SRBD1: variants seen among roughly 807,000 people sequenced by gnomAD.
The protein encoded by SRBD1 is S1 RNA-binding domain-containing protein 1.
Under a neutral mutation model 115.3 loss-of-function variants are expected in SRBD1, and 88 were observed. The observed-to-expected ratio is 0.76, with a 90% confidence interval of 0.64 to 0.91. SRBD1 has a LOEUF of 0.91. Ranked by LOEUF, SRBD1 falls within the 40% of genes least tolerant of loss-of-function variation. SRBD1 has a pLI of 0.00. For missense variants in SRBD1, 1,385 were observed against 1,177.4 expected (o/e 1.18, Z -2.58); for synonymous variants, 509 against 407.7 (o/e 1.25, Z -2.99).
chr2:45,552,461 T>C (rs1173030830), intron 11 of SRBD1, among the ~76,000 whole-genome samples: 2 of 152,202 alleles, frequency 1.3e-5, no homozygotes, highest in African/African-American at 2.4e-5. Context: ...TAAACCTTGA[T>C]GAAATTATTC....
chr2:45,410,949 T>C (rs1174488964), intron 19 of SRBD1, among the ~76,000 whole-genome samples: 1 of 152,164 alleles, frequency 6.6e-6, no homozygotes, highest in African/African-American at 2.4e-5. Context: ...TTCATCTGTA[T>C]CCTTTGTAAT....
chr2:45,501,137 A>T (rs1283345268), intron 14 of SRBD1, among the ~76,000 whole-genome samples: 1 of 152,174 alleles, frequency 6.6e-6, no homozygotes, highest in Non-Finnish European at 1.5e-5. Context: ...TATTGAAATG[A>T]TCATATGGTT....
intron 16 of SRBD1, among the ~76,000 whole-genome samples, chr2:45,469,526 A>C (rs1398569408): frequency 6.6e-6 from 1 of 152,186 alleles, no homozygotes; most frequent in East Asian, 1.9e-4. Flanking sequence ...TTTAAAGATA[A>C]GTAATGGTGT....
chr2:45,504,567 G>A (rs1292410003), intron 14 of SRBD1, among the ~76,000 whole-genome samples: 1 of 152,114 alleles, frequency 6.6e-6, no homozygotes, highest in Non-Finnish European at 1.5e-5. Context: ...ATATTAAAAG[G>A]TAATAATATG....
chr2:45,539,422 C>A (rs1022426115), intron 14 of SRBD1, among the ~76,000 whole-genome samples: 1 of 151,998 alleles, frequency 6.6e-6, no homozygotes, highest in Non-Finnish European at 1.5e-5. Context: ...AACAAAAGAT[C>A]CCCCACCTAC....
intron 14 of SRBD1, among the ~76,000 whole-genome samples, chr2:45,514,930 G>A (rs1009536): frequency 0.81 from 122,735 of 152,204 alleles, 50,262 homozygotes; most frequent in African/African-American, 0.92. Flanking sequence ...ATGAACAGCT[G>A]TAACAGACCA....
At chr2:45,411,119 G>A (rs1353853716) in intron 19 of SRBD1, among the ~76,000 whole-genome samples, 1 of 152,148 alleles carries the variant, frequency 6.6e-6, no homozygotes, top group Non-Finnish European at 1.5e-5. Context: ...CCCTCAACCT[G>A]TGGGATCTGA....
At chr2:45,443,134 T>G (rs866459476) in intron 16 of SRBD1, among the ~76,000 whole-genome samples, 1 of 152,196 alleles carries the variant, frequency 6.6e-6, no homozygotes, top group African/African-American at 2.4e-5. Flanking sequence ...GGATCTGACA[T>G]ACTTTTTAAA....
intron 14 of SRBD1, among the ~76,000 whole-genome samples, chr2:45,538,821 A>ATGAT (rs1444029340): frequency 6.6e-6 from 1 of 152,192 alleles, no homozygotes; most frequent in Non-Finnish European, 1.5e-5. Context: ...AAACATTAAT[A>ATGAT]TGATTCTCTG....
At chr2:45,390,985 G>A (rs1666981162) in intron 20 of SRBD1, among the ~76,000 whole-genome samples, 1 of 152,160 alleles carries the variant, frequency 6.6e-6, no homozygotes, top group South Asian at 2.1e-4. Context: ...TCAAAGCAAA[G>A]TGGAACTAAG....
At chr2:45,567,780 C>A (rs1329505183) in intron 9 of SRBD1, among the ~76,000 whole-genome samples, 1 of 152,138 alleles carries the variant, frequency 6.6e-6, no homozygotes, top group Non-Finnish European at 1.5e-5. Context: ...GTTCTTCATA[C>A]AAGAAATTTT....
At chr2:45,423,600 A>T (rs1668069124) in intron 16 of SRBD1, among the ~76,000 whole-genome samples, 1 of 152,156 alleles carries the variant, frequency 6.6e-6, no homozygotes, top group South Asian at 2.1e-4. Context: ...ATACAGTTTC[A>T]TTGGTGAATT....
intron 15 of SRBD1, among the ~76,000 whole-genome samples, chr2:45,485,508 C>T (rs1670091003): frequency 1.3e-5 from 2 of 152,142 alleles, no homozygotes; most frequent in Admixed American, 1.3e-4. Context: ...CACTTTAAAT[C>T]CATAATAGAC....
rs903142499 is a variant in SRBD1 at position 45,599,728 on chromosome 2, C to T, written c.369G>A (p.Gln123=). ...TTTTAGTCCTTCGAACTGTATGTGG[C>T]TGCGCTGCACATTTCTGTTTTGTCT... is the stretch of plus-strand genomic sequence containing the variant. ...TAKTKQKCAA[Q]PHTVRRTKKL... The change falls in exon 4 of 21, where the codon CAG becomes CAA. Residue 123 remains glutamine (Q), a synonymous_variant. Transcript: ENST00000263736. 1 of 1,614,194 alleles carries T rather than the reference C, an allele frequency of 6.2e-7. No individual in the cohort carries two copies. The highest frequency in any genetic ancestry group is 1.1e-5 in the South Asian group (1 of 91,080).
intron 4 of SRBD1, among the ~76,000 whole-genome samples, chr2:45,591,779 A>T (rs1009987651): frequency 2.0e-5 from 3 of 152,220 alleles, no homozygotes; most frequent in African/African-American, 7.2e-5. Flanking sequence ...ATTGGCAGCC[A>T]GCCCCAGGAA....
At chr2:45,527,277 T>G (rs1671474523) in intron 14 of SRBD1, among the ~76,000 whole-genome samples, 1 of 151,840 alleles carries the variant, frequency 6.6e-6, no homozygotes, top group Admixed American at 6.6e-5. Flanking sequence ...GGATGAACAA[T>G]GATGATTCTT....
intron 16 of SRBD1, among the ~76,000 whole-genome samples, chr2:45,441,463 C>T (rs527478821): frequency 2.0e-5 from 3 of 152,340 alleles, no homozygotes; most frequent in Admixed American, 6.5e-5. Context: ...GTACATAGTA[C>T]GTACTCACTC....
intron 9 of SRBD1, among the ~76,000 whole-genome samples, chr2:45,569,660 A>G (rs1314551280): frequency 1.3e-5 from 2 of 152,238 alleles, no homozygotes; most frequent in African/African-American, 4.8e-5. Context: ...GCAGTTTCCT[A>G]ATTTCAAATC....
chr2:45,574,996 T>C (rs1222533482), intron 7 of SRBD1, among the ~76,000 whole-genome samples: 1 of 152,192 alleles, frequency 6.6e-6, no homozygotes, highest in Non-Finnish European at 1.5e-5. Context: ...GGTTCTACCA[T>C]TTGCCAGTTG....
Sources: allele counts gnomAD v4.1 joint callset (sites outside exome capture counted in the v4.1 genomes callset), GRCh38; gene constraint gnomAD v4.1.1; transcripts MANE v1.5; gene names NCBI Gene and HGNC (gene_info 2026-07-23, HGNC 2026-07-21).